The following PTPRD variants were observed in gnomAD, a reference collection of about 807,000 sequenced individuals.
PTPRD encodes the protein protein tyrosine phosphatase receptor type D, also known as receptor-type tyrosine-protein phosphatase delta.
A neutral mutation model predicts 214.5 loss-of-function variants in PTPRD; 34 were observed. The ratio of observed to expected loss-of-function variants is 0.16; its 90% CI spans 0.12 to 0.21. The LOEUF is 0.21. Among genes scored for constraint, PTPRD ranks in the 10% least tolerant of loss-of-function variants. The pLI, the probability that PTPRD is intolerant of heterozygous loss-of-function variation, is 1.00. For synonymous variants in PTPRD, 1,128 were observed against 845.7 expected (o/e 1.33, Z -5.79); for missense variants, 2,545 against 2,398.7 (o/e 1.06, Z -1.27).
At chr9:9,396,781 T>G (rs28671420) in intron 9 of PTPRD, among the ~76,000 whole-genome samples, 2,060 of 152,104 alleles carry the variant, frequency 0.014, 44 homozygotes, top group African/African-American at 0.046. Context: ...AGAAGTAAAA[T>G]GAGTAACAAT....
chr9:8,431,814 T>C (rs557856054), intron 35 of PTPRD, among the ~76,000 whole-genome samples: 16 of 152,220 alleles, frequency 1.1e-4, no homozygotes, highest in Admixed American at 7.2e-4. Flanking sequence ...CTCTGCCAGG[T>C]TTTGGTATCA....
intron 39 of PTPRD, among the ~76,000 whole-genome samples, chr9:8,362,576 G>T (rs991466647): frequency 1.5e-4 from 23 of 152,210 alleles, no homozygotes; most frequent in African/African-American, 5.5e-4. Context: ...GACAAAGTGA[G>T]AGTTTAGGAT....
At chr9:8,872,014 T>A (rs964105546) in intron 11 of PTPRD, among the ~76,000 whole-genome samples, 2 of 152,050 alleles carry the variant, frequency 1.3e-5, no homozygotes, top group African/African-American at 4.8e-5. Context: ...TCAATCAACA[T>A]TGAGGGCCAA....
intron 30 of PTPRD, among the ~76,000 whole-genome samples, 185 bp from the exon 31 acceptor site, chr9:8,471,270 C>T (rs1439713457): frequency 6.6e-6 from 1 of 152,012 alleles, no homozygotes; most frequent in Non-Finnish European, 1.5e-5. Flanking sequence ...CACGGGAAGA[C>T]ATTTATGTGT....
intron 11 of PTPRD, among the ~76,000 whole-genome samples, chr9:8,999,479 A>T (rs149344695): frequency 6.6e-6 from 1 of 152,190 alleles, no homozygotes; most frequent in African/African-American, 2.4e-5. Context: ...ATTGTTTTTT[A>T]AGACAATGCT....
chr9:8,731,968 G>A (rs1478557509), intron 12 of PTPRD, among the ~76,000 whole-genome samples: 1 of 152,114 alleles, frequency 6.6e-6, no homozygotes, highest in Non-Finnish European at 1.5e-5. Context: ...ACATCTTAAG[G>A]TTGAAAGCTG....
intron 10 of PTPRD, among the ~76,000 whole-genome samples, chr9:9,073,302 T>C (rs1270714069): frequency 6.6e-6 from 1 of 152,190 alleles, no homozygotes; most frequent in African/African-American, 2.4e-5. Flanking sequence ...AATCAGATGA[T>C]CTGGCTTTCA....
chr9:8,963,279 A>T (rs2099168364), intron 11 of PTPRD, among the ~76,000 whole-genome samples: 2 of 152,186 alleles, frequency 1.3e-5, no homozygotes, highest in African/African-American at 4.8e-5. Context: ...TTTTCAGAGG[A>T]CATTAGTGGT....
intron 5 of PTPRD, among the ~76,000 whole-genome samples, chr9:9,855,974 G>A (rs902677210): frequency 6.6e-6 from 1 of 152,204 alleles, no homozygotes; most frequent in Non-Finnish European, 1.5e-5. Flanking sequence ...TGTGGCTCCA[G>A]AACTCTTGTC....
chr9:10,017,996 T>G (rs573953979), intron 4 of PTPRD, among the ~76,000 whole-genome samples: 8 of 152,222 alleles, frequency 5.3e-5, no homozygotes, highest in African/African-American at 1.9e-4. Flanking sequence ...TCTACCCAAG[T>G]GGAGTTATTA....
intron 7 of PTPRD, among the ~76,000 whole-genome samples, chr9:9,609,439 G>A (rs938472094): frequency 6.6e-6 from 1 of 152,142 alleles, no homozygotes; most frequent in Non-Finnish European, 1.5e-5. Context: ...TGTATATCAA[G>A]TAACAATGTG....
rs535752941 is a variant in PTPRD at position 9,724,939 on chromosome 9, C to T, written c.-287+9594G>A. Among the ~76,000 whole-genome samples, 3 of 152,222 alleles carry T rather than the reference C, an allele frequency of 2.0e-5. No individual in the cohort carries two copies. In the South Asian group the frequency reaches 6.2e-4, roughly 32 times the overall value. ...ATCAATGGCAGAGGAGTGGTCAGAA[C>T]ACTACCTGGCTTTGGGAGACTCGCA... is the stretch of plus-strand genomic sequence containing the variant. On this transcript the variant is annotated intron_variant, in intron 7 of 45. Coordinates refer to ENST00000381196, the MANE Select transcript of PTPRD (RefSeq NM_002839.4).
At chr9:9,457,928 T>C (rs1055377805) in intron 8 of PTPRD, among the ~76,000 whole-genome samples, 13 of 152,048 alleles carry the variant, frequency 8.5e-5, no homozygotes, top group Non-Finnish European at 8.8e-5. Flanking sequence ...CGTCTAACAT[T>C]GTCATGTCTA....
At chr9:9,566,723 A>G (rs999252807) in intron 8 of PTPRD, among the ~76,000 whole-genome samples, 1 of 152,128 alleles carries the variant, frequency 6.6e-6, no homozygotes, top group African/African-American at 2.4e-5. Context: ...ATTATATTTC[A>G]TAGATCATCC....
intron 5 of PTPRD, among the ~76,000 whole-genome samples, chr9:9,864,438 G>A (rs751673184): frequency 2.6e-5 from 4 of 152,230 alleles, no homozygotes; most frequent in East Asian, 1.9e-4. Context: ...CATAGATTCC[G>A]TGGTCTGCAA....
chr9:10,031,973 T>G (rs2053708032), intron 4 of PTPRD, among the ~76,000 whole-genome samples: 1 of 152,056 alleles, frequency 6.6e-6, no homozygotes, highest in Admixed American at 6.6e-5. Context: ...TGCTTTCATA[T>G]TAAAGATTTA....
intron 7 of PTPRD, among the ~76,000 whole-genome samples, chr9:9,695,585 C>A (rs2097358712): frequency 6.6e-6 from 1 of 152,164 alleles, no homozygotes; most frequent in South Asian, 2.1e-4. Flanking sequence ...CTTTTATACC[C>A]AGTTTATTGA....
intron 14 of PTPRD, among the ~76,000 whole-genome samples, chr9:8,583,725 G>C (rs2093389650): frequency 6.6e-6 from 1 of 152,200 alleles, no homozygotes; most frequent in South Asian, 2.1e-4. Context: ...GGATGGAAAT[G>C]GGGAAGAAGA....
intron 2 of PTPRD, among the ~76,000 whole-genome samples, chr9:10,366,812 T>A (rs12551331): frequency 1.4e-4 from 21 of 152,076 alleles, no homozygotes; most frequent in African/African-American, 4.8e-4. Context: ...AAAAAACTCA[T>A]AATTCTCCTT....
Sources: allele counts gnomAD v4.1 joint callset (sites outside exome capture counted in the v4.1 genomes callset), GRCh38; gene constraint gnomAD v4.1.1; transcripts MANE v1.5; gene names NCBI Gene and HGNC (gene_info 2026-07-23, HGNC 2026-07-21).